The following FAM210B variants were observed in gnomAD, a reference collection of about 807,000 sequenced individuals.
The protein encoded by FAM210B is mitochondrial inner membrane scaffold 2, also known as family with sequence similarity 210 member B.
In FAM210B, 11 loss-of-function variants were observed where a neutral mutation model predicts 14.9. The observed-to-expected ratio is 0.74, with a 90% CI of 0.46 to 1.22. FAM210B has a LOEUF of 1.22. FAM210B is among the 50% of genes most tolerant of loss of function. The pLI, the probability that FAM210B is intolerant of heterozygous loss-of-function variation, is 0.00. For synonymous variants in FAM210B, 113 were observed against 110.2 expected, an observed-to-expected ratio of 1.03 and a Z score of -0.16; for missense variants, 229 against 250.1, an observed-to-expected ratio of 0.92 and a Z score of 0.57.
At position 56,366,246 on chromosome 20, in the gene FAM210B, C is replaced by A. The variant is rs375433613; in HGVS notation, c.538C>A (p.Arg180=). ...TGTGCCCTTGATTGTCAGATATTTT[C>A]GAAAAGTGGGATTTTTTAAACCTCC... The part of the protein sequence containing the change: ...VSVPLIVRYF[R]KVGFFKPPAA... The change falls in exon 3 of 3, where the codon CGA becomes AGA. Residue 180 remains arginine, a synonymous_variant. Coordinates refer to ENST00000371384, the MANE Select transcript of FAM210B (RefSeq NM_080821.3). The A allele has an allele frequency of 1.0e-4, 161 of 1,613,972 alleles. No homozygotes were observed. The highest frequency in any genetic ancestry group is 3.0e-4 in the Admixed American group (18 of 59,988).
At chr20:56,365,899 C>T (rs1774527432) in intron 2 of FAM210B, among the ~76,000 whole-genome samples, 172 bp from the exon 3 acceptor site, 1 of 147,848 alleles carries the variant, frequency 6.8e-6, no homozygotes, top group Non-Finnish European at 1.5e-5. Context: ...CCACCTCGGC[C>T]TCCCAAAGTG....
In FAM210B at chr20:56,366,596, C is replaced by A; in HGVS notation, c.*309C>A. On this transcript the variant is annotated 3_prime_UTR_variant, in exon 3 of 3. Coordinates refer to ENST00000371384, the MANE Select transcript of FAM210B (RefSeq NM_080821.3). Reference sequence around the variant, plus strand: ...AAATGTTCCTTGTGGGAGACTTTGGCGAGGGTCTGTGGGTAAAAGCACCAG... The same window carrying A: ...AAATGTTCCTTGTGGGAGACTTTGGAGAGGGTCTGTGGGTAAAAGCACCAG... 1 of 263,280 alleles carries A rather than the reference C, an allele frequency of 3.8e-6. No homozygotes were observed. 16.3% of individuals were successfully genotyped at this position (263,280 alleles called of 1,614,324 possible).
chr20:56,360,060 C>T, intron 1 of FAM210B: 3 of 388,672 alleles, frequency 7.7e-6, no homozygotes, highest in Non-Finnish European at 1.6e-5. Flanking sequence ...AGCGGAGTGC[C>T]GCCGGCCCAG....
rs1983704731 is a variant in FAM210B, at chr20:56,368,613, A to G, written c.*2326A>G. On this transcript the variant is annotated 3_prime_UTR_variant, in exon 3 of 3. Transcript: ENST00000371384. ...CAAGATGTACAGAACGCCTGTGTTT[A>G]CATTGTTTTTATGGAACTAGCAGAA... 6.6e-6 allele frequency: 1 copy of G among 152,252 alleles called. No homozygotes were observed. Among genetic ancestry groups the G allele is most frequent in the African/African-American group, 2.4e-5 (1 of 41,472 alleles). 9.4% of individuals were successfully genotyped at this position (152,252 alleles called of 1,614,324 possible). A position where few individuals can be genotyped will look rare whatever the true frequency, so the allele number is the denominator to read the frequency against.
At chr20:56,361,108 C>T (rs1055434334) in intron 1 of FAM210B, among the ~76,000 whole-genome samples, 1 of 152,208 alleles carries the variant, frequency 6.6e-6, no homozygotes, top group Non-Finnish European at 1.5e-5. Context: ...CGCCTAGCAG[C>T]CCCGCCTGCC....
chr20:56,364,981 C>A, intron 1 of FAM210B, 106 bp from the exon 2 acceptor site: 2 of 1,098,280 alleles, frequency 1.8e-6, no homozygotes, highest in Non-Finnish European at 2.5e-6. Context: ...GGTAACTGAT[C>A]TCTCATCCAG....
At chr20:56,365,408 C>A in intron 2 of FAM210B, 146 bp downstream of exon 2, 2 of 845,054 alleles carry the variant, frequency 2.4e-6, no homozygotes, top group East Asian at 2.7e-5. Context: ...GATCACAGCT[C>A]ACTGCAGTCT....
Position 56,366,215 on chromosome 20 carries a change from A to T in FAM210B, c.507A>T (p.Leu169=). The change falls in exon 3 of 3, where the codon CTA becomes CTT. Residue 169 remains leucine (L), a synonymous_variant. Coordinates refer to ENST00000371384, the MANE Select transcript of FAM210B (RefSeq NM_080821.3). ...LFAPVRISIT[L]VSVPLIVRYF... ...CGCCAGTGAGAATCAGCATTACGCT[A>T]GTCTCTGTGCCCTTGATTGTCAGAT... 1.2e-6 allele frequency: 2 copies of T among 1,614,204 alleles called. No individual in the cohort carries two copies. Among genetic ancestry groups the T allele is most frequent in the Non-Finnish European group, 1.7e-6 (2 of 1,180,048 alleles).
At chr20:56,364,707 C>T (rs1438846343) in intron 1 of FAM210B, among the ~76,000 whole-genome samples, 1 of 152,104 alleles carries the variant, frequency 6.6e-6, no homozygotes, top group Non-Finnish European at 1.5e-5. Flanking sequence ...GTAATCCTAG[C>T]ACTTTGGGAG....
chr20:56,365,003 A>G (rs919429776), intron 1 of FAM210B, 84 bp from the exon 2 acceptor site: 12 of 1,308,132 alleles, frequency 9.2e-6, no homozygotes, highest in East Asian at 7.3e-5. Context: ...AGGAAAGAGT[A>G]TAACATTGCA....
intron 1 of FAM210B, chr20:56,360,732 T>C (rs1983515569): frequency 6.4e-6 from 1 of 157,212 alleles, no homozygotes; most frequent in African/African-American, 2.4e-5. Context: ...GCTGTCCTTG[T>C]TTCTTCTGCA....
intron 2 of FAM210B, among the ~76,000 whole-genome samples, chr20:56,365,527 G>T (rs546797600): frequency 1.7e-4 from 26 of 151,722 alleles, no homozygotes; most frequent in Non-Finnish European, 1.9e-4. Context: ...TGTTTTGGGG[G>T]ACGGACTCTC....
At position 56,362,117 on chromosome 20, in the gene FAM210B, A is replaced by G. The variant is rs1292494631; in HGVS notation, c.186+2926A>G. Among the ~76,000 whole-genome samples, 1 of 152,196 alleles carries G rather than the reference A, an allele frequency of 6.6e-6. No individual in the cohort carries two copies. Among genetic ancestry groups the G allele is most frequent in the Admixed American group, 6.5e-5 (1 of 15,280 alleles). On this transcript the variant is annotated intron_variant, in intron 1 of 2. Coordinates refer to ENST00000371384, the MANE Select transcript of FAM210B (RefSeq NM_080821.3). The surrounding 1 kb of genome is among the most constrained non-coding windows in gnomAD (Gnocchi z 4.8). ...TCACCGTGCCCAGCCAATATTTTCA[A>G]AGTACTCAGAACAGTGCCTAGTACA...
rs931577339 is a variant in FAM210B at position 56,367,329 on chromosome 20, T to G, written c.*1042T>G. ...TGAAGGGCATATGTGTTAGAGAGAT[T>G]AGCTAAGAGTAGAAATTCGAGCATA... On this transcript the variant is annotated 3_prime_UTR_variant, in exon 3 of 3. Transcript: ENST00000371384. 1.3e-5 allele frequency: 2 copies of G among 152,174 alleles called. No individual in the cohort carries two copies. The highest frequency in any genetic ancestry group is 4.8e-5 in the African/African-American group (2 of 41,420). 9.4% of individuals were successfully genotyped at this position (152,174 alleles called of 1,614,324 possible). A position where few individuals can be genotyped will look rare whatever the true frequency, so the allele number is the denominator to read the frequency against.
chr20:56,366,395 CTAATTGCTATGTTCTCA>C lies in FAM210B; in HGVS notation c.*110_*126del. On this transcript the variant is annotated 3_prime_UTR_variant, in exon 3 of 3. Transcript: ENST00000371384. ...GGGTTTCTTTTGGAGAGGTAGGGGG[CTAATTGCTATGTTCTCA>C]TGGATAAACTTTGCCAGCAAAAATC... The C allele has an allele frequency of 1.0e-6, 1 of 997,330 alleles. No homozygotes were observed. Among genetic ancestry groups the C allele is most frequent in the Non-Finnish European group, 1.5e-6 (1 of 669,486 alleles). The allele number at this position is 997,330 out of a possible 1,614,324, so 61.8% of individuals were successfully genotyped here. A position where few individuals can be genotyped will look rare whatever the true frequency, so the allele number is the denominator to read the frequency against.
chr20:56,366,196 T>G lies in FAM210B; in HGVS notation c.488T>G (p.Val163Gly). The G allele has an allele frequency of 6.2e-7, 1 of 1,614,216 alleles. No individual in the cohort carries two copies. Among genetic ancestry groups the G allele is most frequent in the East Asian group, 2.2e-5 (1 of 44,888 alleles). ...GCAATCCACAAGCTGTTTGCGCCAG[T>G]GAGAATCAGCATTACGCTAGTCTCT... ...AYAIHKLFAP[V>G]RISITLVSVP... The change falls in exon 3 of 3, where the codon GTG (valine) becomes GGG (glycine). Residue 163 changes from valine (V) to glycine (G), a missense_variant. Val to Gly is a moderately radical substitution (Grantham distance 109). This residue lies in a region of FAM210B where 53 missense variants were observed against 55.4 expected (regional missense o/e 0.96). Coordinates refer to ENST00000371384, the MANE Select transcript of FAM210B (RefSeq NM_080821.3).
chr20:56,365,287 ATTTG>A, intron 2 of FAM210B, 25 bp downstream of exon 2: 1 of 1,600,766 alleles, frequency 6.2e-7, no homozygotes, highest in Non-Finnish European at 8.5e-7. Flanking sequence ...AGTAATTAAT[ATTTG>A]TTTTTTACTG....
At position 56,362,097 on chromosome 20, in the gene FAM210B, G is replaced by A. The variant is rs576962716; in HGVS notation, c.186+2906G>A. The stretch of plus-strand genomic sequence containing the variant: ...GTTAGGATTACAAGCATGAGTCACC[G>A]TGCCCAGCCAATATTTTCAAAGTAC... On this transcript the variant is annotated intron_variant, in intron 1 of 2. Coordinates refer to ENST00000371384, the MANE Select transcript of FAM210B (RefSeq NM_080821.3). The surrounding 1 kb of genome is among the most constrained non-coding windows in gnomAD (Gnocchi z 4.8). Among the ~76,000 whole-genome samples the A allele has an allele frequency of 5.3e-5, 8 of 152,152 alleles. No homozygotes were observed. Among genetic ancestry groups the A allele is most frequent in the East Asian group, 3.9e-4 (2 of 5,182 alleles).
chr20:56,366,301 C>T lies in FAM210B; in HGVS notation c.*14C>T, dbSNP rs773971408. Reference sequence around the variant, plus strand: ...GCAAAACCTTAATGAACTCTTCAGTCGTACACACTGAAAACCTATTTCTTC... The same window carrying T: ...GCAAAACCTTAATGAACTCTTCAGTTGTACACACTGAAAACCTATTTCTTC... On this transcript the variant is annotated 3_prime_UTR_variant, in exon 3 of 3. Coordinates refer to ENST00000371384, the MANE Select transcript of FAM210B (RefSeq NM_080821.3). The T allele has an allele frequency of 3.1e-6, 5 of 1,603,748 alleles. No homozygotes were observed. Among genetic ancestry groups the T allele is most frequent in the Admixed American group, 3.3e-5 (2 of 59,968 alleles).
Sources: gnomAD v4.1 joint callset for allele counts (sites outside exome capture counted in the v4.1 genomes callset) on GRCh38, gnomAD v4.1.1 for gene constraint, gnomAD v4.1.1 regional missense constraint, Gnocchi (gnomAD v3.1) non-coding constraint, MANE v1.5 for transcripts, NCBI Gene and HGNC (gene_info 2026-07-23, HGNC 2026-07-21) for gene names.